IKZF3: variants seen among roughly 807,000 people sequenced by gnomAD.
IKZF3 encodes zinc finger protein Aiolos.
Under a neutral mutation model 49.0 loss-of-function variants are expected in IKZF3, and 10 were observed. The observed-to-expected ratio is 0.20, with a 90% CI of 0.13 to 0.35. The LOEUF is 0.35. Ranked by LOEUF, IKZF3 falls within the 10% of genes least tolerant of loss-of-function variation. The pLI, the probability that IKZF3 is intolerant of heterozygous loss-of-function variation, is 1.00. For synonymous variants in IKZF3, 209 were observed against 228.2 expected (o/e 0.92, Z 0.76); for missense variants, 498 against 664.8 (o/e 0.75, Z 2.76).
intron 1 of IKZF3, among the ~76,000 whole-genome samples, chr17:39,848,471 G>A (rs1321292324): frequency 2.0e-5 from 3 of 152,148 alleles, no homozygotes; most frequent in Non-Finnish European, 4.4e-5. Context: ...TTAAAAAGAT[G>A]TTTCTGGTAA....
At chr17:39,819,474 C>G (rs948374103) in intron 3 of IKZF3, among the ~76,000 whole-genome samples, 1 of 152,060 alleles carries the variant, frequency 6.6e-6, no homozygotes, top group African/African-American at 2.4e-5. Flanking sequence ...TATGCCTTTC[C>G]TCAGCACAAA....
chr17:39,826,750 C>G (rs2061966935), intron 3 of IKZF3, among the ~76,000 whole-genome samples: 3 of 152,158 alleles, frequency 2.0e-5, no homozygotes, highest in African/African-American at 4.8e-5. Flanking sequence ...GCACGTGGGT[C>G]CATAAAATGA....
chr17:39,766,445 T>C lies in IKZF3; in HGVS notation c.875A>G (p.Tyr292Cys). ...CTGTATGAGCTCACTCTCTTTCTCA[T>C]ACATGTAACTTGAATTATAGTTGAC... ...FDVNYNSSYM[Y>C]EKESELIQTR... Residue 292 changes from tyrosine (Y) to cysteine (C), a missense_variant, in exon 8 of 8, where the codon TAT (tyrosine) becomes TGT (cysteine). Physicochemically the swap from Tyr to Cys is radical, Grantham distance 194 (BLOSUM62 -2). Transcript: ENST00000346872. The C allele has an allele frequency of 1.9e-6, 3 of 1,613,940 alleles. No homozygotes were observed. The highest frequency in any genetic ancestry group is 2.2e-5 in the South Asian group (2 of 91,086).
rs1320781074 is a variant in IKZF3, at chr17:39,792,665, C to T, written c.424+8G>A. The T allele has an allele frequency of 3.1e-6, 5 of 1,610,818 alleles. No homozygotes were observed. The highest frequency in any genetic ancestry group is 4.2e-6 in the Non-Finnish European group (5 of 1,178,054). Reference sequence around the variant, plus strand: ...TTTTCAGAAGAATGAAAAAAGCAGACTATTTACCAGTATGGCTTCGCTTAT... The same window carrying T: ...TTTTCAGAAGAATGAAAAAAGCAGATTATTTACCAGTATGGCTTCGCTTAT... On this transcript the variant is annotated splice_region_variant and intron_variant, in intron 4 of 7. Coordinates refer to ENST00000346872, the MANE Select transcript of IKZF3 (RefSeq NM_012481.5).
At chr17:39,776,869 T>G (rs1226790319) in intron 7 of IKZF3, among the ~76,000 whole-genome samples, 1 of 152,254 alleles carries the variant, frequency 6.6e-6, no homozygotes, top group Non-Finnish European at 1.5e-5. Context: ...GGAGGTCTAT[T>G]TTCATGTGAT....
intron 1 of IKZF3, chr17:39,835,767 AAGACTCCATCCAGCT>A: frequency 1.9e-6 from 1 of 513,778 alleles, no homozygotes; most frequent in South Asian, 1.6e-5. Context: ...CCATCCAGGT[AAGACTCCATCCAGCT>A]CCACCCTATT....
Position 39,791,499 on chromosome 17 carries a change from CCT to C in IKZF3, c.507_508del (p.Glu171LysfsTer4). On this transcript the variant is annotated frameshift_variant, in exon 5 of 8. Transcript: ENST00000346872. LOFTEE classifies it high-confidence loss of function. ...GAGGTGACACTTAAAAGGTTTTTCC[CCT>C]GTGTGCAGTTTAATGTGGCGGAGGA... The C allele has an allele frequency of 6.2e-7, 1 of 1,614,002 alleles. No homozygotes were observed. The highest frequency in any genetic ancestry group is 8.5e-7 in the Non-Finnish European group (1 of 1,179,992).
chr17:39,834,995 C>G (rs1263316449), intron 1 of IKZF3: 1 of 408,088 alleles, frequency 2.5e-6, no homozygotes, highest in Non-Finnish European at 4.8e-6. Context: ...GACTGGGACA[C>G]CAGCTTCCCA....
rs987106037 is a variant in IKZF3, at chr17:39,857,384, G to A, written c.7+6736C>T. On this transcript the variant is annotated intron_variant, in intron 1 of 7. Transcript: ENST00000346872. ...ATTACTTCTTAAATGAACTGATGTT[G>A]CTGTGATAGAGTATTCAAATTAAGT... Among the ~76,000 whole-genome samples, 4 of 152,292 alleles carry A rather than the reference G, an allele frequency of 2.6e-5. 1 individual carries two copies. The highest frequency in any genetic ancestry group is 6.8e-3 in the Middle Eastern group (2 of 294).
At chr17:39,779,462 C>CA (rs2060673718) in intron 6 of IKZF3, among the ~76,000 whole-genome samples, 1 of 151,806 alleles carries the variant, frequency 6.6e-6, no homozygotes, top group Non-Finnish European at 1.5e-5. Context: ...ACTCCATCTC[C>CA]AAAAAATAAA....
At chr17:39,776,724 C>G (rs1022553817) in intron 7 of IKZF3, among the ~76,000 whole-genome samples, 1 of 152,100 alleles carries the variant, frequency 6.6e-6, no homozygotes, top group Non-Finnish European at 1.5e-5. Context: ...ATTTAAAAAC[C>G]AGGCAGGCAA....
At chr17:39,781,085 ACGGGCACTT>A (rs2060731181) in intron 6 of IKZF3, among the ~76,000 whole-genome samples, 1 of 152,208 alleles carries the variant, frequency 6.6e-6, no homozygotes, top group South Asian at 2.1e-4. Flanking sequence ...GTTGTAAATA[ACGGGCACTT>A]CAGCCACAAG....
At chr17:39,833,383 A>G (rs2062171439) in intron 1 of IKZF3, among the ~76,000 whole-genome samples, 1 of 152,174 alleles carries the variant, frequency 6.6e-6, no homozygotes, top group Non-Finnish European at 1.5e-5. Flanking sequence ...CCATCATCCC[A>G]GAAAAGCTCC....
chr17:39,836,091 G>C, intron 1 of IKZF3: 1 of 660,906 alleles, frequency 1.5e-6, no homozygotes, highest in Admixed American at 2.1e-5. Flanking sequence ...CGATGAAGGG[G>C]GCAAACTTGT....
intron 5 of IKZF3, among the ~76,000 whole-genome samples, chr17:39,789,579 T>G (rs1243182377): frequency 6.7e-6 from 1 of 149,694 alleles, no homozygotes; most frequent in Non-Finnish European, 1.5e-5. Flanking sequence ...ACAAACAAAA[T>G]TAGCCGGGCG....
chr17:39,857,746 T>G (rs1304358761), intron 1 of IKZF3, among the ~76,000 whole-genome samples: 1 of 152,134 alleles, frequency 6.6e-6, no homozygotes, highest in Non-Finnish European at 1.5e-5. Context: ...CACAGGCAAC[T>G]CATTCATTAA....
Position 39,864,144 on chromosome 17 carries a change from C to G in IKZF3, c.-18G>C. On this transcript the variant is annotated 5_prime_UTR_variant, in exon 1 of 8. Coordinates refer to ENST00000346872, the MANE Select transcript of IKZF3 (RefSeq NM_012481.5). The stretch of plus-strand genomic sequence containing the variant: ...CCTTCCATGTCGCTGCCGGGCCGGG[C>G]TGGAGCTGCCGCTGTGGCTACTCGG... 6.2e-7 allele frequency: 1 copy of G among 1,611,812 alleles called. No homozygotes were observed. Among genetic ancestry groups the G allele is most frequent in the Non-Finnish European group, 8.5e-7 (1 of 1,179,206 alleles).
chr17:39,784,145 A>G (rs1164855382), intron 6 of IKZF3, among the ~76,000 whole-genome samples: 1 of 152,166 alleles, frequency 6.6e-6, no homozygotes, highest in African/African-American at 2.4e-5. Context: ...AAATATTATT[A>G]TTGCTAGAAC....
rs533858191 is a variant in IKZF3, at chr17:39,855,239, C to CA, written c.7+8880dup. On this transcript the variant is annotated intron_variant, in intron 1 of 7. Coordinates refer to ENST00000346872, the MANE Select transcript of IKZF3 (RefSeq NM_012481.5). Reference sequence around the variant, plus strand: ...TTTTGGTATAAACGGTGTCCTGTTGCAAAAAAAACAAGTTTTTGTCTTGTT... The same window carrying CA: ...TTTTGGTATAAACGGTGTCCTGTTGCAAAAAAAAACAAGTTTTTGTCTTGTT... Among the ~76,000 whole-genome samples the CA allele has an allele frequency of 5.1e-4, 76 of 150,488 alleles. 2 individuals are homozygous for CA. The highest frequency in any genetic ancestry group is 3.3e-3 in the East Asian group (17 of 5,162).
Sources: allele counts gnomAD v4.1 joint callset (sites outside exome capture counted in the v4.1 genomes callset), GRCh38; gene constraint gnomAD v4.1.1; transcripts MANE v1.5; gene names NCBI Gene and HGNC (gene_info 2026-07-23, HGNC 2026-07-21).